Variants in GXYLT2 observed in about 807,000 individuals in gnomAD.
The protein encoded by GXYLT2 is glycosyltransferase 8 domain containing 4.
In GXYLT2, 53 loss-of-function variants were observed where a neutral mutation model predicts 45.8. The ratio of observed to expected loss-of-function variants is 1.16; its 90% CI spans 0.93 to 1.46. The LOEUF is 1.46. Ranked by LOEUF, GXYLT2 falls within the 40% of genes most tolerant of loss-of-function variation. GXYLT2 has a pLI of 0.00. For synonymous variants in GXYLT2, 219 were observed against 214.2 expected (o/e 1.02, Z -0.19); for missense variants, 551 against 544.4 (o/e 1.01, Z -0.12).
At chr3:72,917,639 C>T (rs1402223032) in intron 2 of GXYLT2, among the ~76,000 whole-genome samples, 1 of 151,592 alleles carries the variant, frequency 6.6e-6, no homozygotes, top group East Asian at 1.9e-4. Flanking sequence ...CATGTGTGGT[C>T]CCAGCTACTT....
intron 1 of GXYLT2, among the ~76,000 whole-genome samples, chr3:72,895,501 T>C (rs1709272307): frequency 6.6e-6 from 1 of 152,204 alleles, no homozygotes; most frequent in Non-Finnish European, 1.5e-5. Flanking sequence ...ATTGACACGG[T>C]TCCTTTTAAA....
chr3:72,904,816 G>T (rs1052980358), intron 1 of GXYLT2, among the ~76,000 whole-genome samples: 2 of 150,428 alleles, frequency 1.3e-5, no homozygotes, highest in Admixed American at 1.3e-4. Flanking sequence ...CAAGGTGGGC[G>T]GATCACTTGA....
chr3:72,888,709 C>T (rs1709117438), intron 1 of GXYLT2, among the ~76,000 whole-genome samples: 1 of 152,186 alleles, frequency 6.6e-6, no homozygotes, highest in Non-Finnish European at 1.5e-5. Flanking sequence ...TTGATAATCA[C>T]GTACATTTTT....
At chr3:72,918,892 A>G (rs1396701414) in intron 2 of GXYLT2, among the ~76,000 whole-genome samples, 1 of 152,208 alleles carries the variant, frequency 6.6e-6, no homozygotes, top group Non-Finnish European at 1.5e-5. Flanking sequence ...GTTCAGTGTC[A>G]TATGTGATTA....
intron 2 of GXYLT2, among the ~76,000 whole-genome samples, chr3:72,915,354 T>TTTTG (rs71126805): frequency 4.5e-4 from 15 of 33,474 alleles, no homozygotes; most frequent in African/African-American, 1.1e-3. Context: ...TTTTTTTTTT[T>TTTTG]GCGGGGGGGG....
At chr3:72,961,667 AAAAAAAAAG>A (rs1170777515) in intron 5 of GXYLT2, among the ~76,000 whole-genome samples, 6 of 142,444 alleles carry the variant, frequency 4.2e-5, no homozygotes, top group Admixed American at 2.3e-4. Flanking sequence ...AGCAAAAAAA[AAAAAAAAAG>A]AGAGAGAGAG....
chr3:72,898,202 C>T lies in GXYLT2; in HGVS notation c.275+9694C>T, dbSNP rs546547631. The stretch of plus-strand genomic sequence containing the variant: ...ATAAAAATTAAAAATCCCTTGATGG[C>T]CTGAGGCTTAGGAAGCTGGAAATTA... On this transcript the variant is annotated intron_variant, in intron 1 of 6. Coordinates refer to ENST00000389617, the MANE Select transcript of GXYLT2 (RefSeq NM_001080393.2). Among the ~76,000 whole-genome samples, 5 of 152,204 alleles carry T rather than the reference C, an allele frequency of 3.3e-5. No individual in the cohort carries two copies. The South Asian group carries it at 1.0e-3, about 32-fold the overall frequency.
At chr3:72,896,231 A>G (rs2107061298) in intron 1 of GXYLT2, among the ~76,000 whole-genome samples, 1 of 152,340 alleles carries the variant, frequency 6.6e-6, no homozygotes, top group South Asian at 2.1e-4. Context: ...AAGTGCTGAC[A>G]CCGAACATGC....
chr3:72,920,316 G>T (rs1709808982), intron 2 of GXYLT2, among the ~76,000 whole-genome samples: 1 of 151,970 alleles, frequency 6.6e-6, no homozygotes, highest in Admixed American at 6.6e-5. Flanking sequence ...TGAATTTTTA[G>T]TAGAGACCGG....
chr3:72,941,559 A>C (rs558545522), intron 3 of GXYLT2, among the ~76,000 whole-genome samples: 53 of 152,250 alleles, frequency 3.5e-4, no homozygotes, highest in African/African-American at 1.3e-3. Context: ...AGCCTCACTT[A>C]TTAAAATCAC....
chr3:72,894,169 C>A (rs1709236939), intron 1 of GXYLT2, among the ~76,000 whole-genome samples: 1 of 152,188 alleles, frequency 6.6e-6, no homozygotes. Flanking sequence ...TCTGTTTGGG[C>A]AGTAGAAAAA....
Position 72,888,099 on chromosome 3 carries a change from G to C in GXYLT2, c.-135G>C. ...TCGCCGCCGCCGCCGGCCGCCCGCC[G>C]GCCGCCACGACCCCAGTCCCCGGCG... On this transcript the variant is annotated 5_prime_UTR_variant, in exon 1 of 7. Transcript: ENST00000389617. 1 of 393,948 alleles carries C rather than the reference G, an allele frequency of 2.5e-6. No individual in the cohort carries two copies. The allele number at this position is 393,948 out of a possible 1,614,324, so 24.4% of individuals were successfully genotyped here.
rs746560343 is a variant in GXYLT2 at position 72,957,280 on chromosome 3, T to A, written c.904T>A (p.Tyr302Asn). 5.6e-6 allele frequency: 9 copies of A among 1,613,476 alleles called. No individual in the cohort carries two copies. Among genetic ancestry groups the A allele is most frequent in the Non-Finnish European group, 7.6e-6 (9 of 1,179,554 alleles). ...TTGGGAGGACATGTTGTACCCTCTG[T>A]ACCAGAAGTACAAGAATGCCATCAC... ...LAWEDMLYPL[Y>N]QKYKNAITWG... is the part of the protein sequence containing the mutation. The change falls in exon 5 of 7, where the codon TAC becomes AAC. Residue 302 changes from tyrosine (Y) to asparagine (N), a missense_variant. Transcript: ENST00000389617.
intron 1 of GXYLT2, among the ~76,000 whole-genome samples, chr3:72,906,312 TC>T (rs1709509328): frequency 6.6e-6 from 1 of 152,032 alleles, no homozygotes; most frequent in South Asian, 2.1e-4. Context: ...GGCATGCTCC[TC>T]CCCCTAGACG....
At chr3:72,965,248 A>G (rs1373113436) in intron 5 of GXYLT2, among the ~76,000 whole-genome samples, 1 of 152,248 alleles carries the variant, frequency 6.6e-6, no homozygotes, top group Admixed American at 6.5e-5. Context: ...CTGAGCCCTG[A>G]AAACATACAC....
intron 2 of GXYLT2, among the ~76,000 whole-genome samples, chr3:72,921,825 G>T (rs1709837981): frequency 6.6e-6 from 1 of 152,072 alleles, no homozygotes; most frequent in Non-Finnish European, 1.5e-5. Context: ...AGTTTGTTGG[G>T]TTTTTTTCCT....
chr3:72,909,256 A>T (rs1206675161), intron 2 of GXYLT2, among the ~76,000 whole-genome samples: 5 of 150,096 alleles, frequency 3.3e-5, no homozygotes, highest in Admixed American at 6.6e-5. Flanking sequence ...TTTAGTAGAG[A>T]TGGGGGTCTC....
chr3:72,900,052 TAAGAG>T (rs1464998319), intron 1 of GXYLT2, among the ~76,000 whole-genome samples: 1 of 152,144 alleles, frequency 6.6e-6, no homozygotes, highest in African/African-American at 2.4e-5. Flanking sequence ...GAAGCGCTGA[TAAGAG>T]AAGTAGCAGG....
intron 3 of GXYLT2, among the ~76,000 whole-genome samples, chr3:72,949,373 C>T (rs775117056): frequency 5.3e-5 from 8 of 152,104 alleles, no homozygotes; most frequent in Non-Finnish European, 1.0e-4. Flanking sequence ...TTTCCTCCAG[C>T]CTGGCTTAAG....
Sources: allele counts gnomAD v4.1 joint callset (sites outside exome capture counted in the v4.1 genomes callset), GRCh38; gene constraint gnomAD v4.1.1; transcripts MANE v1.5; gene names NCBI Gene and HGNC (gene_info 2026-07-23, HGNC 2026-07-21).